HERC2: variants seen among roughly 807,000 people sequenced by gnomAD.
The protein encoded by HERC2 is E3 ubiquitin-protein ligase HERC2.
Under a neutral mutation model 537.7 loss-of-function variants are expected in HERC2, and 102 were observed. The ratio of observed to expected loss-of-function variants is 0.19; its 90% CI spans 0.16 to 0.22. The LOEUF (loss-of-function observed/expected upper bound fraction) is 0.22. Ranked by LOEUF, HERC2 falls within the 10% of genes least tolerant of loss-of-function variation. The pLI, the probability that HERC2 is intolerant of heterozygous loss-of-function variation, is 1.00. For synonymous variants in HERC2, 2,224 were observed against 2,466.2 expected, an observed-to-expected ratio of 0.90 and a Z score of 2.91; for missense variants, 4,236 against 6,198.2, an observed-to-expected ratio of 0.68 and a Z score of 10.63.
At position 28,169,552 on chromosome 15, in the gene HERC2, C is replaced by G. The variant is rs764821178; in HGVS notation, c.10161G>C (p.Leu3387Phe). 7.4e-5 allele frequency: 120 copies of G among 1,612,452 alleles called. No homozygotes were observed. The highest frequency in any genetic ancestry group is 9.9e-5 in the Non-Finnish European group (117 of 1,178,790). Residue 3387 changes from leucine to phenylalanine, a missense_variant, in exon 66 of 93, where the codon TTG becomes TTC. Leu to Phe is a conservative substitution (Grantham distance 22, BLOSUM62 0). Around this residue, in one of 27 missense-constraint regions of HERC2, gnomAD observed 356 missense variants for 450.9 expected, o/e 0.79. Transcript: ENST00000261609. Reference protein sequence around the residue: ...RPSLAKILLSLDGNLAKQQAL... With the variant: ...RPSLAKILLSFDGNLAKQQAL... ...CCTGCTGTTTGGCCAGATTTCCATC[C>G]AATGACAAGAGAATCTTGGCAAGAG...
chr15:28,179,171 A>G lies in HERC2; in HGVS notation c.8990T>C (p.Val2997Ala). ...AAACAAACTTTTAGATCCACCAGCC[A>G]CCTGTACCACATTCAAAGCTGACAG... ...ETLSALNVVQVAGGSKSLFAV... is the reference protein window; with the variant it reads ...ETLSALNVVQAAGGSKSLFAV... The change falls in exon 58 of 93, where the codon GTG becomes GCG. Residue 2997 changes from valine to alanine, a missense_variant. This residue lies in a region of HERC2 where 606 missense variants were observed against 884.5 expected (regional missense o/e 0.69). Coordinates refer to ENST00000261609, the MANE Select transcript of HERC2 (RefSeq NM_004667.6). The G allele has an allele frequency of 2.5e-6, 4 of 1,613,202 alleles. No individual in the cohort carries two copies. The highest frequency in any genetic ancestry group is 2.5e-6 in the Non-Finnish European group (3 of 1,179,650).
intron 23 of HERC2, among the ~76,000 whole-genome samples, chr15:28,242,712 T>C (rs932640434): frequency 1.3e-5 from 2 of 152,112 alleles, no homozygotes; most frequent in African/African-American, 4.8e-5. Flanking sequence ...ATATGACCAA[T>C]ATCATGAGCA....
chr15:28,218,724 T>C (rs1900196441), intron 37 of HERC2, 53 bp from the exon 38 acceptor site: 4 of 1,376,140 alleles, frequency 2.9e-6, no homozygotes, highest in Middle Eastern at 3.5e-4. Flanking sequence ...AACTGGAAGA[T>C]AGTCCTGCAT....
At chr15:28,189,086 C>CA (rs531272486) in intron 55 of HERC2, among the ~76,000 whole-genome samples, 9 of 151,476 alleles carry the variant, frequency 5.9e-5, no homozygotes, top group South Asian at 2.1e-4. Flanking sequence ...GACTCAGTCT[C>CA]AAAAAAAAGA....
intron 69 of HERC2, among the ~76,000 whole-genome samples, chr15:28,157,528 G>A (rs1893133650): frequency 6.6e-6 from 1 of 152,192 alleles, no homozygotes; most frequent in Admixed American, 6.5e-5. Context: ...TAGTTTATTT[G>A]TGTAGAGGTG....
intron 68 of HERC2, among the ~76,000 whole-genome samples, chr15:28,165,380 G>T (rs1894023890): frequency 6.6e-6 from 1 of 152,214 alleles, no homozygotes; most frequent in Non-Finnish European, 1.5e-5. Context: ...CCCACTTTCA[G>T]AGAAGGAAGT....
chr15:28,249,750 G>A (rs142475971), intron 20 of HERC2, among the ~76,000 whole-genome samples: 2,943 of 151,820 alleles, frequency 0.019, 93 homozygotes, highest in African/African-American at 0.068. Flanking sequence ...GGGTTAAAGC[G>A]ATTCTCCTGC....
chr15:28,310,547 G>A (rs1229210428), intron 2 of HERC2, among the ~76,000 whole-genome samples: 1 of 152,172 alleles, frequency 6.6e-6, no homozygotes, highest in Non-Finnish European at 1.5e-5. Flanking sequence ...ACTAGTGAAT[G>A]GAAAGGTTTG....
At chr15:28,288,554 A>G (rs2076223477) in intron 4 of HERC2, among the ~76,000 whole-genome samples, 1 of 145,840 alleles carries the variant, frequency 6.9e-6, no homozygotes, top group African/African-American at 2.5e-5. Context: ...AAAAAAAAAG[A>G]GGCCAGGTGT....
intron 4 of HERC2, 118 bp downstream of exon 4, chr15:28,292,770 A>G (rs1384253829): frequency 9.3e-7 from 1 of 1,070,692 alleles, no homozygotes; most frequent in African/African-American, 1.6e-5. Flanking sequence ...ACAATATTTA[A>G]ATTTTTTATT....
At chr15:28,261,717 T>C (rs1567086161) in intron 15 of HERC2, among the ~76,000 whole-genome samples, 1 of 152,194 alleles carries the variant, frequency 6.6e-6, no homozygotes, top group Non-Finnish European at 1.5e-5. Flanking sequence ...TACCATTCAA[T>C]GACACAGAGT....
Position 28,211,052 on chromosome 15 carries a change from C to T in HERC2, c.7019G>A (p.Arg2340Gln), listed in dbSNP as rs375020268. 3.0e-5 allele frequency: 49 copies of T among 1,611,120 alleles called. No homozygotes were observed. The highest frequency in any genetic ancestry group is 8.3e-5 in the Admixed American group (5 of 59,992). Residue 2340 changes from arginine (R) to glutamine (Q), a missense_variant, in exon 44 of 93, where the codon CGG becomes CAG. By Grantham distance (43) the Arg-to-Gln change is conservative. Around this residue, in one of 27 missense-constraint regions of HERC2, gnomAD observed 67 missense variants for 140.1 expected, o/e 0.48. Coordinates refer to ENST00000261609, the MANE Select transcript of HERC2 (RefSeq NM_004667.6). ...RALLSHQDKL[R>Q]QILSQPAVQE... is the part of the protein sequence containing the mutation. ...AACAGCTGGCTGAGACAGGATCTGC[C>T]GCAGTTTATCCTGGTGGGAGAGCAG...
At chr15:28,157,595 CT>C (rs1893142724) in intron 69 of HERC2, among the ~76,000 whole-genome samples, 1 of 152,158 alleles carries the variant, frequency 6.6e-6, no homozygotes, top group African/African-American at 2.4e-5. Flanking sequence ...GTGATATCCC[CT>C]TTATCATTTT....
chr15:28,140,878 T>A (rs553717664), intron 78 of HERC2, among the ~76,000 whole-genome samples: 1 of 152,172 alleles, frequency 6.6e-6, no homozygotes, highest in African/African-American at 2.4e-5. Context: ...GAAATACATC[T>A]AACGAGTGAT....
rs370478704 is a variant in HERC2 at position 28,229,242 on chromosome 15, T to A, written c.5225A>T (p.Asn1742Ile). ...GGCATCCATCAAAACATTTCGAATGTTCTGTACAGCCCAAGCGTACAGCTT... is the reference window on the plus strand; with the variant it reads ...GGCATCCATCAAAACATTTCGAATGATCTGTACAGCCCAAGCGTACAGCTT... ...FGKLYAWAVQ[N>I]IRNVLMDASA... The change falls in exon 34 of 93, where the codon AAC becomes ATC. Residue 1742 changes from asparagine to isoleucine, a missense_variant. Physicochemically the swap from Asn to Ile is moderately radical, Grantham distance 149. Around this residue, in one of 27 missense-constraint regions of HERC2, gnomAD observed 343 missense variants for 417.2 expected, o/e 0.82. Transcript: ENST00000261609. The A allele has an allele frequency of 3.1e-6, 5 of 1,613,764 alleles. No individual in the cohort carries two copies. Among genetic ancestry groups the A allele is most frequent in the Non-Finnish European group, 3.4e-6 (4 of 1,179,832 alleles).
intron 89 of HERC2, 22 bp downstream of exon 89, chr15:28,115,407 G>A (rs375200282): frequency 1.5e-5 from 24 of 1,572,478 alleles, no homozygotes; most frequent in Middle Eastern, 1.8e-4. Context: ...TAGAGGCCCC[G>A]CCTGCCGCCC....
At chr15:28,294,197 C>A (rs2076398569) in intron 3 of HERC2, among the ~76,000 whole-genome samples, 1 of 152,124 alleles carries the variant, frequency 6.6e-6, no homozygotes, top group Non-Finnish European at 1.5e-5. Flanking sequence ...AACTAACTAC[C>A]TAGAATTAGC....
At position 28,111,598 on chromosome 15, in the gene HERC2, C is replaced by T; in HGVS notation, c.*165G>A. 1.4e-6 allele frequency: 1 copy of T among 691,362 alleles called. No individual in the cohort carries two copies. The highest frequency in any genetic ancestry group is 2.4e-6 in the Non-Finnish European group (1 of 416,552). 42.8% of individuals were successfully genotyped at this position (691,362 alleles called of 1,614,324 possible). A position where few individuals can be genotyped will look rare whatever the true frequency, so the allele number is the denominator to read the frequency against. On this transcript the variant is annotated 3_prime_UTR_variant, in exon 93 of 93. Transcript: ENST00000261609. ...TTCCACGCGCACAGGCGGACCTTCT[C>T]ACTGTCATTCCCATCACGGCCAGTC...
intron 2 of HERC2, among the ~76,000 whole-genome samples, chr15:28,308,073 T>C (rs1278089127): frequency 6.6e-6 from 1 of 152,214 alleles, no homozygotes; most frequent in Non-Finnish European, 1.5e-5. Flanking sequence ...ATTTTTTTTT[T>C]TTCTGTTTCT....
Sources: allele counts gnomAD v4.1 joint callset (sites outside exome capture counted in the v4.1 genomes callset), GRCh38; gene constraint gnomAD v4.1.1; regional missense constraint gnomAD v4.1.1; transcripts MANE v1.5; gene names NCBI Gene and HGNC (gene_info 2026-07-23, HGNC 2026-07-21).